Variants in ZZEF1 observed in about 807,000 individuals in gnomAD.
The protein encoded by ZZEF1 is zinc finger ZZ-type and EF-hand domain-containing protein 1.
In ZZEF1, 157 loss-of-function variants were observed where a neutral mutation model predicts 342.8. That is an observed-to-expected ratio of 0.46 (90% CI 0.40 to 0.52). ZZEF1 has a LOEUF of 0.52. Among genes scored for constraint, ZZEF1 ranks in the 20% least tolerant of loss-of-function variants. The pLI is 0.00. For missense variants in ZZEF1, 3,480 were observed against 3,725.6 expected, an observed-to-expected ratio of 0.93 and a Z score of 1.72; for synonymous variants, 1,505 against 1,429.1, an observed-to-expected ratio of 1.05 and a Z score of -1.20.
At position 4,076,293 on chromosome 17, in the gene ZZEF1, G is replaced by C. The variant is rs370055809; in HGVS notation, c.3234+344C>G. ...ACTACAGGCGCCCACCATCACGCCC[G>C]GCTAATTTTTTTTGTATTTTTAGTA... On this transcript the variant is annotated intron_variant, in intron 21 of 54. Transcript: ENST00000381638. The C allele has an allele frequency of 1.3e-3, 207 of 155,822 alleles. No individual in the cohort carries two copies. The South Asian group carries it at 0.015, about 12-fold the overall frequency. 9.7% of individuals were successfully genotyped at this position (155,822 alleles called of 1,614,324 possible).
In ZZEF1 at chr17:4,072,634, T is replaced by C. The variant is rs1452636486; in HGVS notation, c.3808A>G (p.Thr1270Ala). 10 of 1,613,328 alleles carry C rather than the reference T, an allele frequency of 6.2e-6. No homozygotes were observed. In the South Asian group the frequency reaches 8.8e-5, roughly 14 times the overall value. Residue 1270 changes from threonine (T) to alanine (A), a missense_variant, in exon 25 of 55, where the codon ACT (threonine) becomes GCT (alanine). Physicochemically the swap from Thr to Ala is moderately conservative, Grantham distance 58. Transcript: ENST00000381638. ...PELELEASWP[T>A]HPHRNSKEVK... Reference sequence around the variant, plus strand: ...TCCTTACTATTCCGGTGTGGGTGAGTGGGCCAGCTTGCTTCTAATTCCAAC... The same window carrying C: ...TCCTTACTATTCCGGTGTGGGTGAGCGGGCCAGCTTGCTTCTAATTCCAAC...
chr17:4,140,872 G>T (rs2145633478), intron 1 of ZZEF1, among the ~76,000 whole-genome samples: 1 of 150,116 alleles, frequency 6.7e-6, no homozygotes, highest in Non-Finnish European at 1.5e-5. Context: ...GTATTCCTGG[G>T]GGGAAAAAAA....
At chr17:4,088,359 C>T (rs530751069) in intron 13 of ZZEF1, among the ~76,000 whole-genome samples, 17 of 152,318 alleles carry the variant, frequency 1.1e-4, no homozygotes, top group African/African-American at 4.1e-4. Flanking sequence ...AAAGAAGATG[C>T]AAATCCCATG....
intron 38 of ZZEF1, among the ~76,000 whole-genome samples, chr17:4,043,097 T>C (rs190853046): frequency 4.6e-5 from 7 of 152,314 alleles, no homozygotes; most frequent in Admixed American, 3.3e-4. Context: ...AGAGCTCTCT[T>C]ACCCCCGCCC....
rs189285342 is a variant in ZZEF1, at chr17:4,132,870, G to A, written c.355-8819C>T. 4.8e-3 allele frequency among the ~76,000 whole-genome samples: 736 copies of A among 152,222 alleles called. 5 individuals carry two copies. Among genetic ancestry groups the A allele is most frequent in the African/African-American group, 0.017 (714 of 41,534 alleles). ...AGTCCCAGCTACTCGGGAGACTGAG[G>A]CAGGAGAATGGCATGAACCTGGGAG... On this transcript the variant is annotated intron_variant, in intron 1 of 54. Coordinates refer to ENST00000381638, the MANE Select transcript of ZZEF1 (RefSeq NM_015113.4).
rs139942379 is a variant in ZZEF1 at position 4,027,252 on chromosome 17, C to T, written c.6893-2134G>A. ...CTTGCCTCCCAAAGTGCTGAGATTACAGGTATAAGACCTACGCACCCAGCA... is the reference window on the plus strand; with the variant it reads ...CTTGCCTCCCAAAGTGCTGAGATTATAGGTATAAGACCTACGCACCCAGCA... On this transcript the variant is annotated intron_variant, in intron 42 of 54. Coordinates refer to ENST00000381638, the MANE Select transcript of ZZEF1 (RefSeq NM_015113.4). Among the ~76,000 whole-genome samples, 6 of 142,340 alleles carry T rather than the reference C, an allele frequency of 4.2e-5. No homozygotes were observed. The East Asian group carries it at 8.4e-4, about 20-fold the overall frequency. 93.4% of individuals were successfully genotyped at this position (142,340 alleles called of 152,430 possible).
chr17:4,127,508 A>AT (rs747261376), intron 1 of ZZEF1, among the ~76,000 whole-genome samples: 6 of 152,194 alleles, frequency 3.9e-5, no homozygotes, highest in Non-Finnish European at 5.9e-5. Context: ...AACAAATTAA[A>AT]TTGGCCTTAA....
At chr17:4,078,253 G>GT (rs2057660681) in intron 18 of ZZEF1, among the ~76,000 whole-genome samples, 2 of 152,212 alleles carry the variant, frequency 1.3e-5, no homozygotes, top group South Asian at 2.1e-4. Context: ...CTTTACAAAG[G>GT]TTTTTTATTC....
At chr17:4,026,506 A>G (rs142429811) in intron 42 of ZZEF1, among the ~76,000 whole-genome samples, 2 of 152,090 alleles carry the variant, frequency 1.3e-5, no homozygotes, top group African/African-American at 4.8e-5. Flanking sequence ...GACAATAGAC[A>G]AACATCTTTT....
chr17:4,092,758 G>C (rs900183412), intron 11 of ZZEF1, among the ~76,000 whole-genome samples: 24 of 152,116 alleles, frequency 1.6e-4, no homozygotes, highest in South Asian at 6.2e-4. Flanking sequence ...CTACTCTTTG[G>C]GAGTTGTCAA....
intron 1 of ZZEF1, among the ~76,000 whole-genome samples, chr17:4,142,152 G>A (rs908219777): frequency 2.0e-5 from 3 of 152,152 alleles, no homozygotes; most frequent in Non-Finnish European, 2.9e-5. Flanking sequence ...AATTGGGAAG[G>A]TGCTGTGTAA....
chr17:4,085,577 T>A (rs2057803274), intron 16 of ZZEF1, 93 bp downstream of exon 16: 1 of 1,503,072 alleles, frequency 6.7e-7, no homozygotes, highest in Non-Finnish European at 9.1e-7. Context: ...TCTGGGACGT[T>A]GCAACAGACG....
rs1244110748 is a variant in ZZEF1, at chr17:4,066,474, C to T, written c.4222G>A (p.Ala1408Thr). The change falls in exon 28 of 55, where the codon GCT becomes ACT. Residue 1408 changes from alanine (A) to threonine (T), a missense_variant. This residue lies in a region of ZZEF1 where 1,528 missense variants were observed against 1,624.1 expected (regional missense o/e 0.94). Transcript: ENST00000381638. ...AGGCTCTCAGGGTTCACCTCAGTAG[C>T]TTCTGAACTATGTTTTTCTTCTGCT... ...NEAEEKHSSE[A>T]TEVNPESLAK... The T allele has an allele frequency of 6.2e-7, 1 of 1,614,178 alleles. No individual in the cohort carries two copies.
intron 1 of ZZEF1, among the ~76,000 whole-genome samples, chr17:4,124,585 G>C (rs1355652786): frequency 6.6e-6 from 1 of 150,836 alleles, no homozygotes; most frequent in Non-Finnish European, 1.5e-5. Context: ...TGGGACTACA[G>C]GCGCCTGCCA....
intron 9 of ZZEF1, among the ~76,000 whole-genome samples, chr17:4,101,216 T>A (rs2058121215): frequency 6.6e-6 from 1 of 151,364 alleles, no homozygotes. Flanking sequence ...TCTCCTAGGG[T>A]CTGGACTCCA....
Position 4,052,083 on chromosome 17 carries a change from A to T in ZZEF1, c.5488T>A (p.Phe1830Ile), listed in dbSNP as rs773287039. 1.9e-6 allele frequency: 3 copies of T among 1,613,804 alleles called. No individual in the cohort carries two copies. Among genetic ancestry groups the T allele is most frequent in the Admixed American group, 1.7e-5 (1 of 59,964 alleles). The change falls in exon 35 of 55, where the codon TTT (phenylalanine) becomes ATT (isoleucine). Residue 1830 changes from phenylalanine (F) to isoleucine (I), a missense_variant. Phe to Ile is a conservative substitution (Grantham distance 21). Around this residue, in one of 5 missense-constraint regions of ZZEF1, gnomAD observed 175 missense variants for 254.6 expected, o/e 0.69. Transcript: ENST00000381638. ...GDDHEMVNME[F>I]TCDHCQGLII... ...AAACCCTGGCAGTGGTCACAGGTAA[A>T]CTCCATGTTGACCATTTCATGGTCG... is the stretch of plus-strand genomic sequence containing the variant.
chr17:4,069,898 G>T (rs1158632181), intron 26 of ZZEF1, among the ~76,000 whole-genome samples: 1 of 152,186 alleles, frequency 6.6e-6, no homozygotes, highest in Non-Finnish European at 1.5e-5. Flanking sequence ...AGGAAGCTCT[G>T]TTTTTGCTTC....
At chr17:4,131,798 A>T (rs2058666628) in intron 1 of ZZEF1, among the ~76,000 whole-genome samples, 9 of 152,058 alleles carry the variant, frequency 5.9e-5, no homozygotes, top group Admixed American at 5.9e-4. Context: ...GAAAAACAAA[A>T]ACATGGTACT....
intron 52 of ZZEF1, among the ~76,000 whole-genome samples, chr17:4,012,029 G>A (rs1183268608): frequency 3.3e-5 from 5 of 152,234 alleles, no homozygotes; most frequent in South Asian, 2.1e-4. Flanking sequence ...CTCCGGGCTC[G>A]GGACAGAGGG....
Sources: gnomAD v4.1 joint callset for allele counts (sites outside exome capture counted in the v4.1 genomes callset) on GRCh38, gnomAD v4.1.1 for gene constraint, gnomAD v4.1.1 regional missense constraint, MANE v1.5 for transcripts, NCBI Gene and HGNC (gene_info 2026-07-23, HGNC 2026-07-21) for gene names.